Variants in JMJD1C observed in about 807,000 individuals in gnomAD.
The protein encoded by JMJD1C is jumonji domain containing 1C, also known as jumonji domain-containing protein 1C.
Under a neutral mutation model 245.3 loss-of-function variants are expected in JMJD1C, and 31 were observed. The observed-to-expected ratio is 0.13, with a 90% CI of 0.09 to 0.17. The LOEUF is 0.17. JMJD1C is among the 10% of genes least tolerant of loss of function. JMJD1C has a pLI of 1.00. For synonymous variants in JMJD1C, 1,057 were observed against 1,017.4 expected, an observed-to-expected ratio of 1.04 and a Z score of -0.74; for missense variants, 2,691 against 3,000.2, an observed-to-expected ratio of 0.90 and a Z score of 2.41.
chr10:63,326,381 AAAATAAATAAATAAAT>A (rs10630310), intron 2 of JMJD1C, among the ~76,000 whole-genome samples: 155 of 143,318 alleles, frequency 1.1e-3, no homozygotes, highest in Middle Eastern at 3.6e-3. Context: ...TTCCATCTCA[AAAATAAATAAATAAAT>A]AAATAAATAA....
chr10:63,373,563 C>T (rs138527327), intron 2 of JMJD1C, among the ~76,000 whole-genome samples: 2 of 151,860 alleles, frequency 1.3e-5, no homozygotes, highest in African/African-American at 2.4e-5. Context: ...AAGTACCACA[C>T]GAGGAGTGAA....
intron 18 of JMJD1C, among the ~76,000 whole-genome samples, chr10:63,188,067 ACTTAACCT>A (rs1243928077): frequency 6.6e-6 from 1 of 152,166 alleles, no homozygotes; most frequent in Non-Finnish European, 1.5e-5. Context: ...AAAAAACTTC[ACTTAACCT>A]CTAAGGAATC....
chr10:63,414,202 G>A (rs1425552292), intron 1 of JMJD1C, among the ~76,000 whole-genome samples: 2 of 151,894 alleles, frequency 1.3e-5, no homozygotes, highest in African/African-American at 2.4e-5. Context: ...TAACCAGGAT[G>A]GTCTCGATCT....
intron 23 of JMJD1C, chr10:63,177,476 C>G (rs1842965542): frequency 4.2e-6 from 2 of 478,476 alleles, no homozygotes; most frequent in Non-Finnish European, 7.4e-6. Flanking sequence ...CTTTTATTAA[C>G]AGGGAATGGA....
chr10:63,463,315 T>C (rs1411023256), intron 1 of JMJD1C, among the ~76,000 whole-genome samples: 3 of 151,914 alleles, frequency 2.0e-5, no homozygotes, highest in African/African-American at 7.2e-5. Context: ...ACAGGCATTG[T>C]ACTACTATGC....
intron 2 of JMJD1C, among the ~76,000 whole-genome samples, chr10:63,304,941 TAGAC>T (rs1174086356): frequency 2.0e-5 from 3 of 151,964 alleles, no homozygotes; most frequent in Admixed American, 2.0e-4. Flanking sequence ...TGAGAACACT[TAGAC>T]AGCAGAGCAA....
At chr10:63,360,052 G>A (rs930296441) in intron 2 of JMJD1C, among the ~76,000 whole-genome samples, 1 of 152,056 alleles carries the variant, frequency 6.6e-6, no homozygotes, top group African/African-American at 2.4e-5. Flanking sequence ...GCTTGTGTCT[G>A]TAATCCCAGC....
intron 1 of JMJD1C, among the ~76,000 whole-genome samples, chr10:63,415,766 A>C (rs975118871): frequency 6.6e-6 from 1 of 152,216 alleles, no homozygotes; most frequent in Non-Finnish European, 1.5e-5. Flanking sequence ...CACAATGAAA[A>C]ACAACTGCAA....
At chr10:63,169,218 C>CCAAA (rs568713659) in intron 24 of JMJD1C, among the ~76,000 whole-genome samples, 9 of 152,186 alleles carry the variant, frequency 5.9e-5, no homozygotes, top group Admixed American at 2.0e-4. Flanking sequence ...TCTCTCCTGA[C>CCAAA]CAAACAGTTT....
intron 1 of JMJD1C, among the ~76,000 whole-genome samples, chr10:63,455,058 T>G (rs536544690): frequency 6.6e-6 from 1 of 152,204 alleles, no homozygotes; most frequent in Non-Finnish European, 1.5e-5. Flanking sequence ...ACTACGTGCA[T>G]CCGTTCACAT....
chr10:63,203,622 AAGTAAATAAAAC>A (rs1846267265), intron 10 of JMJD1C: 1 of 961,322 alleles, frequency 1.0e-6, no homozygotes, highest in Non-Finnish European at 1.2e-6. Context: ...TGTAAGATAG[AAGTAAATAAAAC>A]ATAAAAATTA....
At chr10:63,224,210 A>G (rs1681667572) in intron 3 of JMJD1C, among the ~76,000 whole-genome samples, 1 of 152,246 alleles carries the variant, frequency 6.6e-6, no homozygotes, top group Non-Finnish European at 1.5e-5. Context: ...GACTTTATGT[A>G]GGTTCAAACT....
At chr10:63,342,660 CATT>C (rs1943480281) in intron 2 of JMJD1C, among the ~76,000 whole-genome samples, 1 of 152,180 alleles carries the variant, frequency 6.6e-6, no homozygotes, top group African/African-American at 2.4e-5. Flanking sequence ...ACAGTGAACA[CATT>C]ATTTCTTCAC....
intron 1 of JMJD1C, among the ~76,000 whole-genome samples, chr10:63,490,054 T>A (rs936391798): frequency 6.6e-6 from 1 of 152,216 alleles, no homozygotes; most frequent in South Asian, 2.1e-4. Context: ...TAATGCCTGA[T>A]GATCTGGGGT....
At chr10:63,521,638 G>A in intron 1 of JMJD1C, 2 of 1,272,546 alleles carry the variant, frequency 1.6e-6, no homozygotes, top group Non-Finnish European at 2.1e-6. Flanking sequence ...GTGGGAAGGG[G>A]AAGGAGCCGA....
At chr10:63,351,588 G>T (rs1351965278) in intron 2 of JMJD1C, among the ~76,000 whole-genome samples, 1 of 152,076 alleles carries the variant, frequency 6.6e-6, no homozygotes, top group African/African-American at 2.4e-5. Context: ...TTTGCTGAAT[G>T]GGGACAAACA....
At chr10:63,392,776 G>C (rs1206658907) in intron 1 of JMJD1C, among the ~76,000 whole-genome samples, 1 of 130,850 alleles carries the variant, frequency 7.6e-6, no homozygotes, top group African/African-American at 3.0e-5. Context: ...AGTGAGCCGA[G>C]ATCACGCCAC....
chr10:63,392,023 T>G lies in JMJD1C; in HGVS notation c.169-11541A>C, dbSNP rs115174181. Among the ~76,000 whole-genome samples, 1,105 of 152,326 alleles carry G rather than the reference T, an allele frequency of 7.3e-3. 19 individuals are homozygous for G. Among genetic ancestry groups the G allele is most frequent in the African/African-American group, 0.025 (1,048 of 41,568 alleles). On this transcript the variant is annotated intron_variant, in intron 1 of 25. Transcript: ENST00000399262. ...TAACATGTATTTAAAACCACTGATTTCTTTCACTGTCGCAATTTCCTCAGT... is the reference window on the plus strand; with the variant it reads ...TAACATGTATTTAAAACCACTGATTGCTTTCACTGTCGCAATTTCCTCAGT...
chr10:63,173,921 G>A (rs1261656356), intron 24 of JMJD1C, among the ~76,000 whole-genome samples: 1 of 152,086 alleles, frequency 6.6e-6, no homozygotes, highest in Non-Finnish European at 1.5e-5. Context: ...TATACAGATG[G>A]CAAATGAAGA....
Sources: gnomAD v4.1 joint callset for allele counts (sites outside exome capture counted in the v4.1 genomes callset) on GRCh38, gnomAD v4.1.1 for gene constraint, MANE v1.5 for transcripts, NCBI Gene and HGNC (gene_info 2026-07-23, HGNC 2026-07-21) for gene names.